Variants in CCDC62 observed in about 807,000 individuals in gnomAD.
CCDC62 encodes coiled-coil domain containing 62.
CCDC62 carries 72 observed loss-of-function variants against 80.8 expected under a neutral mutation model. That is an observed-to-expected ratio of 0.89 (90% CI 0.74 to 1.08). The LOEUF is 1.08. Ranked by LOEUF, CCDC62 falls within the 50% of genes least tolerant of loss-of-function variation. The pLI, the probability that CCDC62 is intolerant of heterozygous loss-of-function variation, is 0.00. For synonymous variants in CCDC62, 286 were observed against 296.5 expected, an observed-to-expected ratio of 0.96 and a Z score of 0.36; for missense variants, 704 against 809.4, an observed-to-expected ratio of 0.87 and a Z score of 1.58.
At chr12:122,807,963 T>C (rs1453050403) in intron 10 of CCDC62, among the ~76,000 whole-genome samples, 4 of 152,222 alleles carry the variant, frequency 2.6e-5, no homozygotes, top group Non-Finnish European at 5.9e-5. Context: ...ACAAGTATCC[T>C]ATTGTGTGGA....
At chr12:122,776,394 T>TATA in intron 1 of CCDC62, among the ~76,000 whole-genome samples, 1 of 152,358 alleles carries the variant, frequency 6.6e-6, no homozygotes, top group Non-Finnish European at 1.5e-5. Flanking sequence ...AATGGCATCA[T>TATA]GGTTATATAG....
chr12:122,813,035 C>CAAA (rs35070882), intron 10 of CCDC62, among the ~76,000 whole-genome samples: 73 of 150,056 alleles, frequency 4.9e-4, no homozygotes, highest in South Asian at 2.3e-3. Flanking sequence ...CCACCTCTAC[C>CAAA]AAAAAAAAAA....
chr12:122,781,272 A>G lies in CCDC62; in HGVS notation c.338A>G (p.Gln113Arg), dbSNP rs1395280377. 1 of 1,614,048 alleles carries G rather than the reference A, an allele frequency of 6.2e-7. No homozygotes were observed. Among genetic ancestry groups the G allele is most frequent in the Non-Finnish European group, 8.5e-7 (1 of 1,180,012 alleles). The change falls in exon 3 of 13, where the codon CAG (glutamine) becomes CGG (arginine). Residue 113 changes from glutamine to arginine, a missense_variant. Gln to Arg is a conservative substitution (Grantham distance 43). Transcript: ENST00000253079. The part of the protein sequence containing the change: ...CQTALQKTQL[Q>R]LQEMAQKATH... ...ACAGCTCTCCAAAAGACCCAACTAC[A>G]GCTTCAGGAAATGGCTCAAAAGGCA...
At chr12:122,785,212 A>G (rs55928229) in intron 3 of CCDC62, among the ~76,000 whole-genome samples, 3,005 of 152,300 alleles carry the variant, frequency 0.02, 95 homozygotes, top group African/African-American at 0.066. Context: ...ATTATATCCG[A>G]CATAGCACTA....
intron 6 of CCDC62, among the ~76,000 whole-genome samples, chr12:122,795,102 G>A (rs1210742088): frequency 6.6e-6 from 1 of 152,096 alleles, no homozygotes; most frequent in Non-Finnish European, 1.5e-5. Flanking sequence ...CTAGGCTGGA[G>A]TGTAGTGGTG....
chr12:122,802,884 C>T (rs980415281), intron 9 of CCDC62, among the ~76,000 whole-genome samples: 2 of 151,838 alleles, frequency 1.3e-5, no homozygotes, highest in Non-Finnish European at 2.9e-5. Flanking sequence ...TTTTAATTTG[C>T]TGGGCATGGG....
chr12:122,801,932 GC>G (rs2135561432), intron 9 of CCDC62, 80 bp downstream of exon 9: 1 of 1,410,314 alleles, frequency 7.1e-7, no homozygotes. Flanking sequence ...TGGAAGCCAC[GC>G]CATACCTACT....
At chr12:122,785,676 T>C in intron 3 of CCDC62, 43 bp from the exon 4 acceptor site, 1 of 1,331,914 alleles carries the variant, frequency 7.5e-7, no homozygotes, top group South Asian at 1.2e-5. Flanking sequence ...AGTGAAAGCT[T>C]TAAAAGGACT....
chr12:122,786,314 A>AT (rs71085851), intron 4 of CCDC62, among the ~76,000 whole-genome samples: 116,812 of 147,786 alleles, frequency 0.79, 46,961 homozygotes, highest in Middle Eastern at 0.9. Context: ...CACCCGGCTA[A>AT]TTTTTTTGTA....
chr12:122,777,626 T>C lies in CCDC62; in HGVS notation c.172T>C (p.Trp58Arg). Residue 58 changes from tryptophan to arginine, a missense_variant, in exon 2 of 13, where the codon TGG becomes CGG. Coordinates refer to ENST00000253079, the MANE Select transcript of CCDC62 (RefSeq NM_201435.5). ...VAVHQQQLLSWEEDRQKVLTL... is the reference protein window; with the variant it reads ...VAVHQQQLLSREEDRQKVLTL... ...AGTGCACCAGCAACAGCTTCTTTCA[T>C]GGGAAGAGGATCGGCAGAAAGTGTT... is the stretch of plus-strand genomic sequence containing the variant. 3.1e-6 allele frequency: 5 copies of C among 1,614,144 alleles called. No individual in the cohort carries two copies. Among genetic ancestry groups the C allele is most frequent in the Non-Finnish European group, 4.2e-6 (5 of 1,180,002 alleles).
Position 122,801,851 on chromosome 12 carries a change from A to G in CCDC62, c.1705A>G (p.Ser569Gly). ...ICGTQHDSPA[S>G]ELIAIQDSHS... ...TGGCACACAACATGACTCCCCGGCA[A>G]GGTGAGTAACGTTCACATCTGTAAA... The change falls in exon 9 of 13, where the codon AGT becomes GGT. Residue 569 changes from serine (S) to glycine (G), a missense_variant and splice_region_variant. By Grantham distance (56) the Ser-to-Gly change is moderately conservative (BLOSUM62 0). Coordinates refer to ENST00000253079, the MANE Select transcript of CCDC62 (RefSeq NM_201435.5). 1 of 1,612,930 alleles carries G rather than the reference A, an allele frequency of 6.2e-7. No homozygotes were observed. The highest frequency in any genetic ancestry group is 8.5e-7 in the Non-Finnish European group (1 of 1,179,640).
chr12:122,780,935 G>A (rs867260317), intron 2 of CCDC62, among the ~76,000 whole-genome samples: 3 of 152,150 alleles, frequency 2.0e-5, no homozygotes, highest in African/African-American at 4.8e-5. Flanking sequence ...TTGGGAACGC[G>A]GAAACTGGAG....
In CCDC62 at chr12:122,801,773, A is replaced by C; in HGVS notation, c.1627A>C (p.Met543Leu). ...EWMSIFKPSK[M>L]QRIVRLKSGC... ...GATGAGTATTTTCAAGCCTTCCAAAATGCAGAGAATTGTCCGCCTCAAATC... is the reference window on the plus strand; with the variant it reads ...GATGAGTATTTTCAAGCCTTCCAAACTGCAGAGAATTGTCCGCCTCAAATC... The change falls in exon 9 of 13, where the codon ATG becomes CTG. Residue 543 changes from methionine to leucine, a missense_variant. Met to Leu is a conservative substitution (Grantham distance 15). Coordinates refer to ENST00000253079, the MANE Select transcript of CCDC62 (RefSeq NM_201435.5). The C allele has an allele frequency of 6.2e-7, 1 of 1,614,160 alleles. No individual in the cohort carries two copies. Among genetic ancestry groups the C allele is most frequent in the Non-Finnish European group, 8.5e-7 (1 of 1,180,008 alleles).
intron 1 of CCDC62, 50 bp downstream of exon 1, chr12:122,774,756 T>C (rs1238764174): frequency 1.2e-5 from 14 of 1,214,836 alleles, no homozygotes; most frequent in Non-Finnish European, 1.4e-5. Flanking sequence ...CGGTGCACAT[T>C]GGTCGAAATC....
chr12:122,818,721 G>A (rs1181354209), intron 11 of CCDC62, among the ~76,000 whole-genome samples: 9 of 152,126 alleles, frequency 5.9e-5, no homozygotes, highest in Middle Eastern at 3.4e-3. Context: ...CTGGGAGTTC[G>A]AGACCAGCCT....
chr12:122,791,854 A>G (rs538441487), intron 5 of CCDC62, among the ~76,000 whole-genome samples, 166 bp from the exon 6 acceptor site: 1 of 152,370 alleles, frequency 6.6e-6, no homozygotes, highest in East Asian at 1.9e-4. Context: ...GCCTCCAACC[A>G]GGGGTCCTTG....
At chr12:122,813,174 G>A in intron 10 of CCDC62, 96 bp from the exon 11 acceptor site, 1 of 1,339,972 alleles carries the variant, frequency 7.5e-7, no homozygotes, top group Non-Finnish European at 1.0e-6. Flanking sequence ...CTGGGCGTCA[G>A]AGCAAGAGAA....
Position 122,806,299 on chromosome 12 carries a change from C to G in CCDC62, c.1851+4C>G. ...TGCACCAGCATTCAATGAAAAGGTTCGTATTTTGCTTAGACATCCCCAGCT... is the reference window on the plus strand; with the variant it reads ...TGCACCAGCATTCAATGAAAAGGTTGGTATTTTGCTTAGACATCCCCAGCT... On this transcript the variant is annotated splice_donor_region_variant and intron_variant, in intron 10 of 12. Coordinates refer to ENST00000253079, the MANE Select transcript of CCDC62 (RefSeq NM_201435.5). 1.2e-6 allele frequency: 2 copies of G among 1,602,262 alleles called. No individual in the cohort carries two copies. The highest frequency in any genetic ancestry group is 2.2e-5 in the South Asian group (2 of 89,722).
intron 12 of CCDC62, among the ~76,000 whole-genome samples, chr12:122,823,694 C>A (rs2135599042): frequency 6.7e-6 from 1 of 149,356 alleles, no homozygotes; most frequent in Admixed American, 6.7e-5. Flanking sequence ...ACAGTGAGAC[C>A]TTGTCTCTTA....
Sources: gnomAD v4.1 joint callset for allele counts (sites outside exome capture counted in the v4.1 genomes callset) on GRCh38, gnomAD v4.1.1 for gene constraint, MANE v1.5 for transcripts, NCBI Gene and HGNC (gene_info 2026-07-23, HGNC 2026-07-21) for gene names.